The following BMPR1A variants were observed in gnomAD, a reference collection of about 807,000 sequenced individuals.
BMPR1A encodes the protein bone morphogenetic protein receptor type-1A.
In BMPR1A, 7 loss-of-function variants were observed where a neutral mutation model predicts 66.0. The observed-to-expected ratio is 0.11, with a 90% confidence interval of 0.06 to 0.20. The LOEUF is 0.20. Among genes scored for constraint, BMPR1A ranks in the 10% least tolerant of loss-of-function variants. BMPR1A has a pLI of 1.00. For missense variants in BMPR1A, 408 were observed against 669.1 expected (o/e 0.61, Z 4.31); for synonymous variants, 200 against 229.7 (o/e 0.87, Z 1.17).
At chr10:86,803,678 C>G (rs986136526) in intron 1 of BMPR1A, among the ~76,000 whole-genome samples, 5 of 152,250 alleles carry the variant, frequency 3.3e-5, no homozygotes, top group Non-Finnish European at 7.4e-5. Context: ...TGACCTATCT[C>G]TTGACAGTGG....
chr10:86,830,533 C>G (rs1487037469), intron 1 of BMPR1A, among the ~76,000 whole-genome samples: 1 of 152,126 alleles, frequency 6.6e-6, no homozygotes, highest in African/African-American at 2.4e-5. Flanking sequence ...TTAGCTGTGC[C>G]AGTAGGTGTG....
At chr10:86,900,392 G>C (rs999138567) in intron 7 of BMPR1A, among the ~76,000 whole-genome samples, 1 of 150,102 alleles carries the variant, frequency 6.7e-6, no homozygotes, top group African/African-American at 2.5e-5. Context: ...GAATGTTTTC[G>C]ATCTGTCCCA....
Position 86,866,399 on chromosome 10 carries a change from C to CTTTTTTTTTTTCTTTTTTTT in BMPR1A, c.-152-9457_-152-9456insCTTTTTTTTTTTTTTTTTTT, listed in dbSNP as rs1589752897. Reference sequence around the variant, plus strand: ...TGTGTTAAGTTGGGCAAGTTTCTTTCTTTTTTTTTTTTTTTTTTTTTTTTT... The same window carrying CTTTTTTTTTTTCTTTTTTTT: ...TGTGTTAAGTTGGGCAAGTTTCTTTCTTTTTTTTTTTCTTTTTTTTTTTTTTTTTTTTTTTTTTTTTTTTT... On this transcript the variant is annotated intron_variant, in intron 2 of 12. Coordinates refer to ENST00000372037, the MANE Select transcript of BMPR1A (RefSeq NM_004329.3). Among the ~76,000 whole-genome samples the CTTTTTTTTTTTCTTTTTTTT allele has an allele frequency of 1.3e-4, 9 of 69,474 alleles. 1 individual carries two copies. The highest frequency in any genetic ancestry group is 2.1e-4 in the African/African-American group (4 of 18,816). The allele number at this position is 69,474 out of a possible 152,430, so 45.6% of individuals were successfully genotyped here. A position where few individuals can be genotyped will look rare whatever the true frequency, so the allele number is the denominator to read the frequency against.
intron 7 of BMPR1A, among the ~76,000 whole-genome samples, chr10:86,910,543 G>C (rs1217247396): frequency 6.6e-6 from 1 of 152,020 alleles, no homozygotes; most frequent in Non-Finnish European, 1.5e-5. Flanking sequence ...TTGTTTCTAA[G>C]GAAACAGGGA....
chr10:86,926,328 T>C lies in BMPR1A; in HGVS notation c.*2609T>C, dbSNP rs1843743691. On this transcript the variant is annotated 3_prime_UTR_variant, in exon 13 of 13. Coordinates refer to ENST00000372037, the MANE Select transcript of BMPR1A (RefSeq NM_004329.3). ...CAAGGTCAGGAGTTCAAGACCAGCC[T>C]GGCCAACATGGTGAAACCCCATCTC... 1 of 153,370 alleles carries C rather than the reference T, an allele frequency of 6.5e-6. No homozygotes were observed. The highest frequency in any genetic ancestry group is 1.5e-5 in the Non-Finnish European group (1 of 68,834). 9.5% of individuals were successfully genotyped at this position (153,370 alleles called of 1,614,324 possible).
At chr10:86,849,206 C>T (rs575514407) in intron 2 of BMPR1A, among the ~76,000 whole-genome samples, 5 of 152,170 alleles carry the variant, frequency 3.3e-5, no homozygotes, top group Admixed American at 6.5e-5. Context: ...TAGGAAAAAT[C>T]GTAATTGGTA....
intron 2 of BMPR1A, chr10:86,855,417 A>G (rs1715136606): frequency 1.4e-6 from 1 of 722,320 alleles, no homozygotes; most frequent in African/African-American, 1.8e-5. Context: ...TTCTGTTAAA[A>G]TGCTCCATAC....
At chr10:86,776,293 A>G (rs1054736173) in intron 1 of BMPR1A, among the ~76,000 whole-genome samples, 1 of 152,242 alleles carries the variant, frequency 6.6e-6, no homozygotes, top group Admixed American at 6.5e-5. Flanking sequence ...AGTTGCCTGC[A>G]GCAAGTAGTT....
intron 1 of BMPR1A, among the ~76,000 whole-genome samples, chr10:86,777,534 A>G (rs1395969735): frequency 2.0e-5 from 3 of 151,986 alleles, no homozygotes; most frequent in Non-Finnish European, 4.4e-5. Flanking sequence ...GTGAGCTGTC[A>G]TTGCACCACT....
At chr10:86,917,071 C>A (rs2133573945) in intron 8 of BMPR1A, 63 bp from the exon 9 acceptor site, 1 of 1,556,412 alleles carries the variant, frequency 6.4e-7, no homozygotes, top group Non-Finnish European at 8.8e-7. Flanking sequence ...TGGACTACCC[C>A]TTTGCCAGTC....
chr10:86,775,232 A>G, intron 1 of BMPR1A, among the ~76,000 whole-genome samples: 1 of 152,222 alleles, frequency 6.6e-6, no homozygotes, highest in East Asian at 1.9e-4. Context: ...AAACGAGGAA[A>G]TCCATACATA....
At chr10:86,776,617 C>G (rs1841351877) in intron 1 of BMPR1A, among the ~76,000 whole-genome samples, 1 of 152,120 alleles carries the variant, frequency 6.6e-6, no homozygotes, top group African/African-American at 2.4e-5. Context: ...CCTTTACCCC[C>G]TTTGCTACTT....
rs188158830 is a variant in BMPR1A, at chr10:86,895,794, G to A, written c.333+3565G>A. On this transcript the variant is annotated intron_variant, in intron 5 of 12. Transcript: ENST00000372037. Reference sequence around the variant, plus strand: ...TGTAATCCCAGCACTTTTGGAGGCCGAGGCGGGCAGATCGCTTGAGCTCAC... The same window carrying A: ...TGTAATCCCAGCACTTTTGGAGGCCAAGGCGGGCAGATCGCTTGAGCTCAC... Among the ~76,000 whole-genome samples the A allele has an allele frequency of 3.9e-5, 6 of 152,238 alleles. No homozygotes were observed. The East Asian group carries it at 9.7e-4, about 25-fold the overall frequency.
intron 2 of BMPR1A, among the ~76,000 whole-genome samples, chr10:86,856,407 A>G (rs954235613): frequency 5.3e-5 from 8 of 152,190 alleles, no homozygotes; most frequent in African/African-American, 1.9e-4. Flanking sequence ...CCATCTCCCT[A>G]CCTGGCCCAC....
intron 1 of BMPR1A, among the ~76,000 whole-genome samples, chr10:86,794,048 A>G (rs1345389016): frequency 6.6e-6 from 1 of 152,142 alleles, no homozygotes; most frequent in East Asian, 1.9e-4. Flanking sequence ...ATTGGTCCCA[A>G]CAAGCTCATC....
downstream of BMPR1A, chr10:86,931,298 C>CACACACACACACACACACACATAT: frequency 2.2e-5 from 2 of 90,928 alleles, no homozygotes; most frequent in African/African-American, 1.4e-4. Flanking sequence ...CACACACACA[C>CACACACACACACACACACACATAT]ATATATATAT....
At chr10:86,891,181 G>C (rs1034049969) in intron 4 of BMPR1A, among the ~76,000 whole-genome samples, 1 of 152,170 alleles carries the variant, frequency 6.6e-6, no homozygotes, top group African/African-American at 2.4e-5. Flanking sequence ...TGGGCTCTGC[G>C]TGGCTGACTG....
At chr10:86,759,377 T>C (rs1222204468) in intron 1 of BMPR1A, among the ~76,000 whole-genome samples, 1 of 152,240 alleles carries the variant, frequency 6.6e-6, no homozygotes, top group African/African-American at 2.4e-5. Flanking sequence ...CTCAATTCTT[T>C]GTTTATGTGT....
At chr10:86,903,924 G>A (rs1006120004) in intron 7 of BMPR1A, among the ~76,000 whole-genome samples, 7 of 151,832 alleles carry the variant, frequency 4.6e-5, no homozygotes, top group African/African-American at 1.7e-4. Context: ...TTATTTTTGA[G>A]ACAAGGTCTT....
Sources: allele counts gnomAD v4.1 joint callset (sites outside exome capture counted in the v4.1 genomes callset), GRCh38; gene constraint gnomAD v4.1.1; transcripts MANE v1.5; gene names NCBI Gene and HGNC (gene_info 2026-07-23, HGNC 2026-07-21).